The following NRXN3 variants were observed in gnomAD, a reference collection of about 807,000 sequenced individuals.
NRXN3 encodes the protein neurexin III.
A neutral mutation model predicts 137.6 loss-of-function variants in NRXN3; 32 were observed. The observed-to-expected ratio is 0.23, with a 90% confidence interval of 0.18 to 0.31. NRXN3 has a LOEUF of 0.31. Among genes scored for constraint, NRXN3 ranks in the 10% least tolerant of loss-of-function variants. The probability of loss-of-function intolerance (pLI) is 1.00; values close to 1 mark genes in which losing one functional copy is unlikely to be tolerated. For missense variants in NRXN3, 1,574 were observed against 2,062.5 expected (o/e 0.76, Z 4.59); for synonymous variants, 798 against 784.5 (o/e 1.02, Z -0.29).
chr14:78,962,956 C>T (rs1182473891), intron 11 of NRXN3, among the ~76,000 whole-genome samples: 1 of 152,142 alleles, frequency 6.6e-6, no homozygotes, highest in East Asian at 1.9e-4. Context: ...TCGTGATCCA[C>T]CCACCTCGAC....
intron 15 of NRXN3, among the ~76,000 whole-genome samples, chr14:79,399,970 G>A (rs998521172): frequency 1.3e-5 from 2 of 152,100 alleles, no homozygotes; most frequent in Non-Finnish European, 1.5e-5. Flanking sequence ...TGGTTGCAAG[G>A]CCTTCTTCCC....
At chr14:78,701,591 AT>A (rs2152803539) in intron 6 of NRXN3, among the ~76,000 whole-genome samples, 1 of 152,070 alleles carries the variant, frequency 6.6e-6, no homozygotes, top group South Asian at 2.1e-4. Context: ...TCCCTTTTAT[AT>A]TTTCTTGGCC....
chr14:78,526,065 CAAAG>C (rs2096374108), intron 4 of NRXN3, among the ~76,000 whole-genome samples: 1 of 152,134 alleles, frequency 6.6e-6, no homozygotes, highest in Non-Finnish European at 1.5e-5. Context: ...TCTAGTGAAA[CAAAG>C]AGAGTGTGGC....
rs1160763295 is a variant in NRXN3 at position 78,583,419 on chromosome 14, C to A, written c.758-61701C>A. On this transcript the variant is annotated intron_variant, in intron 4 of 20. Coordinates refer to ENST00000335750, the MANE Select transcript of NRXN3 (RefSeq NM_001330195.2). The stretch of plus-strand genomic sequence containing the variant: ...CATTTATTTATAATGAAAAAAACCT[C>A]AATCTATCAAAAAAAAAACAAACCC... 1.1e-4 allele frequency among the ~76,000 whole-genome samples: 17 copies of A among 150,578 alleles called. 1 individual carries two copies. Among genetic ancestry groups the A allele is most frequent in the Non-Finnish European group, 2.1e-4 (14 of 67,662 alleles).
At chr14:78,500,125 T>A (rs550241706) in intron 4 of NRXN3, among the ~76,000 whole-genome samples, 2 of 152,290 alleles carry the variant, frequency 1.3e-5, no homozygotes, top group South Asian at 4.1e-4. Flanking sequence ...TGCCTAATTT[T>A]ATTTTATTTT....
At chr14:78,758,299 A>T (rs1340627740) in intron 8 of NRXN3, among the ~76,000 whole-genome samples, 1 of 152,218 alleles carries the variant, frequency 6.6e-6, no homozygotes, top group East Asian at 1.9e-4. Flanking sequence ...AATTTAAAAT[A>T]ATGTTGTAAA....
At chr14:78,826,661 GTGTT>G (rs1555514739) in intron 10 of NRXN3, among the ~76,000 whole-genome samples, 1 of 152,134 alleles carries the variant, frequency 6.6e-6, no homozygotes, top group Non-Finnish European at 1.5e-5. Context: ...CAAAGTTTTT[GTGTT>G]TGTTTGTTTT....
At chr14:78,857,862 G>A (rs1428363711) in intron 10 of NRXN3, among the ~76,000 whole-genome samples, 1 of 152,090 alleles carries the variant, frequency 6.6e-6, no homozygotes, top group African/African-American at 2.4e-5. Context: ...AATGTGGAAG[G>A]GTGGTGGGTA....
intron 16 of NRXN3, among the ~76,000 whole-genome samples, chr14:79,511,599 C>T (rs2096932978): frequency 6.6e-6 from 1 of 152,154 alleles, no homozygotes; most frequent in South Asian, 2.1e-4. Context: ...ACAGTACCTC[C>T]CATCTCTCTC....
intron 14 of NRXN3, among the ~76,000 whole-genome samples, chr14:78,979,204 T>C (rs2099481654): frequency 6.6e-6 from 1 of 152,154 alleles, no homozygotes; most frequent in Non-Finnish European, 1.5e-5. Context: ...AATATTTCAT[T>C]ATTATTATAT....
chr14:79,358,882 A>G (rs1380703476), intron 15 of NRXN3, among the ~76,000 whole-genome samples: 4 of 152,312 alleles, frequency 2.6e-5, no homozygotes, highest in Admixed American at 1.3e-4. Context: ...TAAAAGAGAA[A>G]AAATTATGTT....
At chr14:78,693,971 C>G (rs184450090) in intron 6 of NRXN3, among the ~76,000 whole-genome samples, 40 of 152,022 alleles carry the variant, frequency 2.6e-4, no homozygotes, top group Non-Finnish European at 4.6e-4. Context: ...AGATTTCTCA[C>G]TCTCATTTCT....
At chr14:78,217,195 A>G (rs1178114443) in intron 1 of NRXN3, among the ~76,000 whole-genome samples, 1 of 152,234 alleles carries the variant, frequency 6.6e-6, no homozygotes, top group Non-Finnish European at 1.5e-5. Flanking sequence ...TATTTTATAA[A>G]TGTATGAGAC....
chr14:78,178,547 C>T (rs991968333), intron 1 of NRXN3, among the ~76,000 whole-genome samples: 1 of 152,178 alleles, frequency 6.6e-6, no homozygotes, highest in African/African-American at 2.4e-5. Context: ...GCCTATTTGT[C>T]TCTGCTTTGC....
At chr14:78,490,918 C>A (rs1457274587) in intron 4 of NRXN3, among the ~76,000 whole-genome samples, 1 of 152,040 alleles carries the variant, frequency 6.6e-6, no homozygotes, top group Non-Finnish European at 1.5e-5. Context: ...TATTTGATGA[C>A]CGGTATTTTG....
chr14:79,815,650 T>G (rs2099249455), intron 20 of NRXN3, among the ~76,000 whole-genome samples: 1 of 152,160 alleles, frequency 6.6e-6, no homozygotes, highest in South Asian at 2.1e-4. Flanking sequence ...TAAAGCTGCT[T>G]GCTGATAAAT....
chr14:78,945,343 C>A (rs1182488728), intron 10 of NRXN3, among the ~76,000 whole-genome samples: 1 of 151,872 alleles, frequency 6.6e-6, no homozygotes, highest in Non-Finnish European at 1.5e-5. Context: ...TTTTATCTGG[C>A]CTTATTTTTT....
chr14:79,416,505 G>A (rs1378860952), intron 15 of NRXN3, among the ~76,000 whole-genome samples: 1 of 152,032 alleles, frequency 6.6e-6, no homozygotes, highest in Non-Finnish European at 1.5e-5. Context: ...GAACATTAAC[G>A]TGGCAGATGA....
chr14:78,575,255 G>A (rs1365503807), intron 4 of NRXN3, among the ~76,000 whole-genome samples: 1 of 152,122 alleles, frequency 6.6e-6, no homozygotes, highest in Non-Finnish European at 1.5e-5. Context: ...AGTAGCGCAA[G>A]CACAGACTAA....
Sources: allele counts gnomAD v4.1 joint callset (sites outside exome capture counted in the v4.1 genomes callset), GRCh38; gene constraint gnomAD v4.1.1; transcripts MANE v1.5; gene names NCBI Gene and HGNC (gene_info 2026-07-23, HGNC 2026-07-21).